Variants in RBFOX1 observed in about 807,000 individuals in gnomAD.
RBFOX1 encodes the protein RNA binding fox-1 homolog 1.
Under a neutral mutation model 57.7 loss-of-function variants are expected in RBFOX1, and 8 were observed. The observed-to-expected ratio is 0.14, with a 90% CI of 0.08 to 0.25. The LOEUF (loss-of-function observed/expected upper bound fraction) is 0.25, where lower values mean the gene tolerates loss of function less well. RBFOX1 is among the 10% of genes least tolerant of loss of function. RBFOX1 has a pLI of 1.00. For synonymous variants in RBFOX1, 326 were observed against 222.4 expected, an observed-to-expected ratio of 1.47 and a Z score of -4.15; for missense variants, 611 against 548.5, an observed-to-expected ratio of 1.11 and a Z score of -1.14.
intron 4 of RBFOX1, among the ~76,000 whole-genome samples, chr16:5,915,933 G>T (rs1369859016): frequency 1.3e-5 from 2 of 152,132 alleles, no homozygotes; most frequent in African/African-American, 2.4e-5. Flanking sequence ...TGGGAATAAT[G>T]GGGCTTAGAG....
chr16:5,360,681 T>C (rs557841557), intron 1 of RBFOX1, among the ~76,000 whole-genome samples: 41 of 152,314 alleles, frequency 2.7e-4, no homozygotes, highest in African/African-American at 9.4e-4. Context: ...AGAGGGCTTA[T>C]TGTAAGGACG....
chr16:6,846,900 C>G (rs1197520943), intron 3 of RBFOX1, among the ~76,000 whole-genome samples: 1 of 149,488 alleles, frequency 6.7e-6, no homozygotes, highest in Non-Finnish European at 1.5e-5. Context: ...GAAAGACTGC[C>G]TCTAAATTAC....
At chr16:6,769,129 G>C (rs1488411573) in intron 3 of RBFOX1, among the ~76,000 whole-genome samples, 1 of 152,200 alleles carries the variant, frequency 6.6e-6, no homozygotes, top group Non-Finnish European at 1.5e-5. Flanking sequence ...CTGGGTGGGA[G>C]TTAATTGAAT....
intron 3 of RBFOX1, among the ~76,000 whole-genome samples, chr16:6,977,164 AT>A (rs1194551893): frequency 1.4e-5 from 2 of 146,002 alleles, no homozygotes; most frequent in African/African-American, 2.5e-5. Flanking sequence ...TATATCATAT[AT>A]TATCATATAT....
In RBFOX1 at chr16:5,913,097, C is replaced by T. The variant is rs2058637636; in HGVS notation, c.351+45762C>T. Among the ~76,000 whole-genome samples the T allele has an allele frequency of 4.6e-5, 7 of 152,182 alleles. No individual in the cohort carries two copies. The South Asian group carries it at 1.2e-3, about 27-fold the overall frequency. ...GACATTTCCAAGCTGCATGTAGTAG[C>T]TATGTGTTGTGTTAGCCTCTCTTTC... On this transcript the variant is annotated intron_variant, in intron 4 of 19. Transcript: ENST00000641259.
chr16:5,258,798 C>G (rs1183998918), intron 1 of RBFOX1, among the ~76,000 whole-genome samples: 2 of 152,102 alleles, frequency 1.3e-5, no homozygotes, highest in Non-Finnish European at 2.9e-5. Flanking sequence ...CGCCTATAGT[C>G]CCACCTACTC....
chr16:5,255,665 C>T (rs1240471081), intron 1 of RBFOX1, among the ~76,000 whole-genome samples: 1 of 150,848 alleles, frequency 6.6e-6, no homozygotes, highest in African/African-American at 2.4e-5. Context: ...TTCATTCGTC[C>T]ACCTGCCCAC....
chr16:5,673,038 G>A (rs1449024827), intron 3 of RBFOX1, among the ~76,000 whole-genome samples: 1 of 152,156 alleles, frequency 6.6e-6, no homozygotes, highest in Non-Finnish European at 1.5e-5. Context: ...GGGTGAGATG[G>A]TGGAAGCGCC....
chr16:7,198,436 A>G (rs558102778), intron 4 of RBFOX1, among the ~76,000 whole-genome samples: 1 of 152,358 alleles, frequency 6.6e-6, no homozygotes, highest in South Asian at 2.1e-4. Context: ...ATTTTATGTT[A>G]TATGAATTCC....
At chr16:6,192,239 G>T (rs1358024037) in intron 1 of RBFOX1, among the ~76,000 whole-genome samples, 2 of 152,132 alleles carry the variant, frequency 1.3e-5, no homozygotes, top group Non-Finnish European at 2.9e-5. Flanking sequence ...TGGGTGTTGG[G>T]AGGGCATTCT....
intron 4 of RBFOX1, among the ~76,000 whole-genome samples, chr16:7,266,087 G>A (rs1402952149): frequency 2.0e-5 from 3 of 146,932 alleles, no homozygotes; most frequent in Admixed American, 7.1e-5. Context: ...CCATTCTCCT[G>A]CCTCAGCCTC....
chr16:5,241,502 C>T (rs1282788329), intron 1 of RBFOX1, among the ~76,000 whole-genome samples: 1 of 152,190 alleles, frequency 6.6e-6, no homozygotes, highest in African/African-American at 2.4e-5. Flanking sequence ...GTAGTGGGAC[C>T]TAGGGAACGT....
At chr16:7,068,850 A>C (rs2881359) in intron 4 of RBFOX1, among the ~76,000 whole-genome samples, 1 of 152,058 alleles carries the variant, frequency 6.6e-6, no homozygotes, top group Non-Finnish European at 1.5e-5. Context: ...TGGCCTCCCA[A>C]TGTGCTGGGG....
At chr16:5,702,978 T>C (rs906351110) in intron 3 of RBFOX1, among the ~76,000 whole-genome samples, 2 of 152,334 alleles carry the variant, frequency 1.3e-5, no homozygotes, top group African/African-American at 4.8e-5. Context: ...AAACATCATG[T>C]ACATCATGAT....
At chr16:6,821,655 T>A (rs1178499506) in intron 3 of RBFOX1, among the ~76,000 whole-genome samples, 1 of 152,222 alleles carries the variant, frequency 6.6e-6, no homozygotes, top group Admixed American at 6.5e-5. Flanking sequence ...GCCTTTTTCA[T>A]CTGACTTCTT....
intron 3 of RBFOX1, among the ~76,000 whole-genome samples, chr16:6,998,822 C>T (rs973866258): frequency 1.3e-5 from 2 of 151,954 alleles, no homozygotes; most frequent in South Asian, 4.2e-4. Context: ...AAAATATACC[C>T]ACAAATACTG....
chr16:7,073,944 G>A (rs141896308), intron 4 of RBFOX1, among the ~76,000 whole-genome samples: 1 of 152,108 alleles, frequency 6.6e-6, no homozygotes, highest in East Asian at 1.9e-4. Flanking sequence ...GCAAGCCACA[G>A]TTTATGAGAC....
intron 4 of RBFOX1, among the ~76,000 whole-genome samples, chr16:7,227,035 G>A (rs529141982): frequency 3.2e-4 from 49 of 152,092 alleles, no homozygotes; most frequent in African/African-American, 6.5e-4. Flanking sequence ...TGTCCTCTCC[G>A]GCATTGCACA....
chr16:6,529,364 G>A lies in RBFOX1; in HGVS notation c.-63-125239G>A, dbSNP rs192180230. 4.2e-4 allele frequency among the ~76,000 whole-genome samples: 64 copies of A among 152,178 alleles called. 1 individual carries two copies. In the South Asian group the frequency reaches 7.3e-3, roughly 17 times the overall value. The stretch of plus-strand genomic sequence containing the variant: ...GATCAAGTTCAGAAGGTGGAGACCA[G>A]CCTGACCAACTTGGTGATACCCCAT... On this transcript the variant is annotated intron_variant, in intron 2 of 15. Coordinates refer to ENST00000550418, the MANE Select transcript of RBFOX1 (RefSeq NM_018723.4).
Sources: allele counts gnomAD v4.1 joint callset (sites outside exome capture counted in the v4.1 genomes callset), GRCh38; gene constraint gnomAD v4.1.1; transcripts MANE v1.5; gene names NCBI Gene and HGNC (gene_info 2026-07-23, HGNC 2026-07-21).